SLC9A3: variants seen among roughly 807,000 people sequenced by gnomAD.
SLC9A3 encodes the protein solute carrier family 9 member A3, also known as sodium/hydrogen exchanger 3.
In SLC9A3, 37 loss-of-function variants were observed where a neutral mutation model predicts 86.8. The ratio of observed to expected loss-of-function variants is 0.43; its 90% confidence interval spans 0.33 to 0.56. The LOEUF (loss-of-function observed/expected upper bound fraction) is 0.56. Among genes scored for constraint, SLC9A3 ranks in the 20% least tolerant of loss-of-function variants. The pLI is 0.06. For synonymous variants in SLC9A3, 581 were observed against 528.3 expected (o/e 1.10, Z -1.37); for missense variants, 1,011 against 1,171.9 (o/e 0.86, Z 2.00).
At chr5:499,440 C>T (rs1040297494) in intron 1 of SLC9A3, among the ~76,000 whole-genome samples, 2 of 152,264 alleles carry the variant, frequency 1.3e-5, no homozygotes, top group Admixed American at 1.3e-4. Flanking sequence ...CATCTGCCGG[C>T]ACCAACCAGG....
intron 1 of SLC9A3, among the ~76,000 whole-genome samples, chr5:506,234 G>A (rs996026416): frequency 6.6e-6 from 1 of 152,174 alleles, no homozygotes; most frequent in Non-Finnish European, 1.5e-5. Flanking sequence ...GAAGCGGTTG[G>A]GAGGATTGAT....
chr5:479,966 C>T lies in SLC9A3; in HGVS notation c.1518-1G>A, dbSNP rs1397702728. The T allele has an allele frequency of 6.2e-7, 1 of 1,613,274 alleles. No homozygotes were observed. The highest frequency in any genetic ancestry group is 8.5e-7 in the Non-Finnish European group (1 of 1,179,562). On this transcript the variant is annotated splice_acceptor_variant, in intron 9 of 16. Transcript: ENST00000264938. LOFTEE classifies it high-confidence loss of function. ...GAACTTCCTGTCGAAGTGGGACCAC[C>T]TGTAGGGACAGACCTTGGGTGTGAG...
chr5:513,768 T>A (rs1733642631), intron 1 of SLC9A3, among the ~76,000 whole-genome samples: 1 of 152,224 alleles, frequency 6.6e-6, no homozygotes, highest in African/African-American at 2.4e-5. Context: ...ACAGTAAGAA[T>A]GAGGAAGTAG....
chr5:479,789 C>CCG (rs1240513592), intron 10 of SLC9A3, 47 bp downstream of exon 10: 2 of 1,605,058 alleles, frequency 1.2e-6, no homozygotes, highest in Non-Finnish European at 1.7e-6. Context: ...CAGCCAGTGC[C>CCG]AGAGCCTGCT....
At chr5:516,238 T>C (rs1382158189) in intron 1 of SLC9A3, among the ~76,000 whole-genome samples, 3 of 150,676 alleles carry the variant, frequency 2.0e-5, no homozygotes, top group Non-Finnish European at 4.4e-5. Context: ...CCCCATGGGA[T>C]ATTTGGGTCT....
At chr5:505,245 G>A (rs561900713) in intron 1 of SLC9A3, among the ~76,000 whole-genome samples, 1 of 3,356 alleles carries the variant, frequency 3.0e-4, no homozygotes, top group African/African-American at 1.6e-3. Context: ...TGACCATGGG[G>A]GGGGGAGAGT....
Position 479,941 on chromosome 5 carries a change from G to T in SLC9A3, c.1542C>A (p.Phe514Leu). 1 of 1,613,912 alleles carries T rather than the reference G, an allele frequency of 6.2e-7. No homozygotes were observed. Among genetic ancestry groups the T allele is most frequent in the South Asian group, 1.1e-5 (1 of 91,084 alleles). ...RDKWSHFDRK[F>L]LSRVLMRRSA... ...ACCGTCTCATGAGGACCCTGCTGAGGAACTTCCTGTCGAAGTGGGACCACC... is the reference window on the plus strand; with the variant it reads ...ACCGTCTCATGAGGACCCTGCTGAGTAACTTCCTGTCGAAGTGGGACCACC... The change falls in exon 10 of 17, where the codon TTC (phenylalanine) becomes TTA (leucine). Residue 514 changes from phenylalanine to leucine, a missense_variant. This residue lies in a region of SLC9A3 where 565 missense variants were observed against 790.0 expected (regional missense o/e 0.72). Transcript: ENST00000264938.
chr5:478,325 G>A (rs3734137), intron 10 of SLC9A3: 87,645 of 152,182 alleles, frequency 0.58, 25,964 homozygotes, highest in African/African-American at 0.69. Flanking sequence ...TGAGGGTCAG[G>A]GGAGCCACGG....
rs1008366092 is a variant in SLC9A3 at position 473,524 on chromosome 5, G to A, written c.2502-142C>T. 1.2e-4 allele frequency: 77 copies of A among 632,674 alleles called. No homozygotes were observed. The African/African-American group carries it at 1.3e-3, about 11-fold the overall frequency. The allele number at this position is 632,674 out of a possible 1,614,324, so 39.2% of individuals were successfully genotyped here. ...GCACCCCAGGCTCGGCGTCCGCTGG[G>A]GCCTCCTCCCAGGACCCGGGTTCGC... On this transcript the variant is annotated intron_variant, in intron 16 of 16. Coordinates refer to ENST00000264938, the MANE Select transcript of SLC9A3 (RefSeq NM_004174.4).
chr5:476,960 C>T (rs1474461458), intron 11 of SLC9A3: 5 of 531,678 alleles, frequency 9.4e-6, no homozygotes, highest in East Asian at 3.2e-5. Context: ...ACTCGGGGAC[C>T]CCAGCATCTG....
intron 7 of SLC9A3, 144 bp from the exon 8 acceptor site, chr5:482,301 G>C: frequency 1.4e-6 from 1 of 701,664 alleles, no homozygotes; most frequent in Non-Finnish European, 2.4e-6. Flanking sequence ...CCGCGCCCCT[G>C]CTTTGCAGAG....
intron 6 of SLC9A3, 21 bp from the exon 7 acceptor site, chr5:482,771 A>T: frequency 6.4e-7 from 1 of 1,570,454 alleles, no homozygotes. Context: ...TGGGGCGGGC[A>T]CTCAGCTCCC....
chr5:522,165 T>C (rs11747348), intron 1 of SLC9A3, among the ~76,000 whole-genome samples: 2,025 of 152,186 alleles, frequency 0.013, 23 homozygotes, highest in Non-Finnish European at 0.021. Flanking sequence ...AGCCGCTGAG[T>C]GCTATCAGGG....
rs529260352 is a variant in SLC9A3, at chr5:481,555, A to T, written c.1517+10T>A. 1.2e-6 allele frequency: 2 copies of T among 1,611,442 alleles called. No homozygotes were observed. The highest frequency in any genetic ancestry group is 2.2e-5 in the South Asian group (2 of 91,032). On this transcript the variant is annotated intron_variant, in intron 9 of 16. Coordinates refer to ENST00000264938, the MANE Select transcript of SLC9A3 (RefSeq NM_004174.4). ...TGTGCGACACCGCCGGGGCCGTCCCAGCCACTTACTTGTCTCTGAGATAAT... is the reference window on the plus strand; with the variant it reads ...TGTGCGACACCGCCGGGGCCGTCCCTGCCACTTACTTGTCTCTGAGATAAT...
chr5:500,633 ATGGGG>A (rs1213373467), intron 1 of SLC9A3, among the ~76,000 whole-genome samples: 1 of 90,212 alleles, frequency 1.1e-5, no homozygotes, highest in African/African-American at 5.7e-5. Flanking sequence ...GCAGGCGTGG[ATGGGG>A]CTGGTGTGGA....
At chr5:516,488 G>C (rs781122297) in intron 1 of SLC9A3, among the ~76,000 whole-genome samples, 2 of 152,248 alleles carry the variant, frequency 1.3e-5, no homozygotes, top group Non-Finnish European at 2.9e-5. Context: ...GAGGGTGCCA[G>C]GTTGGGCAGT....
intron 1 of SLC9A3, among the ~76,000 whole-genome samples, chr5:513,709 G>A (rs1733640923): frequency 6.6e-6 from 1 of 152,226 alleles, no homozygotes; most frequent in African/African-American, 2.4e-5. Flanking sequence ...GCTCTGGTGG[G>A]CAGACAGCAG....
intron 3 of SLC9A3, among the ~76,000 whole-genome samples, chr5:486,413 C>T (rs943340901): frequency 2.0e-5 from 3 of 152,196 alleles, no homozygotes; most frequent in African/African-American, 7.2e-5. Flanking sequence ...TGAAACGTCA[C>T]GATTGTCACT....
intron 1 of SLC9A3, among the ~76,000 whole-genome samples, chr5:492,440 A>AGGGTG (rs1739820631): frequency 2.4e-5 from 1 of 41,414 alleles, no homozygotes; most frequent in Non-Finnish European, 4.8e-5. Flanking sequence ...GAGGGAGGTC[A>AGGGTG]GGGCAGAGCC....
Sources: allele counts gnomAD v4.1 joint callset (sites outside exome capture counted in the v4.1 genomes callset), GRCh38; gene constraint gnomAD v4.1.1; regional missense constraint gnomAD v4.1.1; transcripts MANE v1.5; gene names NCBI Gene and HGNC (gene_info 2026-07-23, HGNC 2026-07-21).